Variants in ZFYVE27 observed in about 807,000 individuals in gnomAD.
ZFYVE27 encodes protrudin.
ZFYVE27 carries 36 observed loss-of-function variants against 52.8 expected under a neutral mutation model. The ratio of observed to expected loss-of-function variants is 0.68; its 90% CI spans 0.52 to 0.90. The LOEUF (loss-of-function observed/expected upper bound fraction) is 0.90. Among genes scored for constraint, ZFYVE27 ranks in the 40% least tolerant of loss-of-function variants. The pLI is 0.00. For missense variants in ZFYVE27, 450 were observed against 527.2 expected (o/e 0.85, Z 1.43); for synonymous variants, 223 against 215.6 (o/e 1.03, Z -0.30).
Position 97,742,712 on chromosome 10 carries a change from ATTC to A in ZFYVE27, c.198-379_198-377del, listed in dbSNP as rs1393856912. On this transcript the variant is annotated intron_variant, in intron 2 of 12. Coordinates refer to ENST00000684270, the MANE Select transcript of ZFYVE27 (RefSeq NM_001385875.1). ...GTTGAATCTTGTGCAATGATTATAT[ATTC>A]TTATGAAATTATAAAAAAAGAATAG... Among the ~76,000 whole-genome samples, 7 of 152,334 alleles carry A rather than the reference ATTC, an allele frequency of 4.6e-5. No individual in the cohort carries two copies. The East Asian group carries it at 1.3e-3, about 29-fold the overall frequency.
chr10:97,756,558 C>T (rs945661856), intron 10 of ZFYVE27, among the ~76,000 whole-genome samples: 2 of 152,206 alleles, frequency 1.3e-5, no homozygotes, highest in Non-Finnish European at 2.9e-5. Flanking sequence ...CTCCTCTCCC[C>T]TTACACCCCC....
At chr10:97,741,975 A>G (rs554726004) in intron 2 of ZFYVE27, among the ~76,000 whole-genome samples, 50 of 151,950 alleles carry the variant, frequency 3.3e-4, no homozygotes, top group Admixed American at 1.9e-3. Flanking sequence ...CCTACTGAAA[A>G]CACAAAAACT....
chr10:97,741,808 AG>A (rs1247692464), intron 2 of ZFYVE27, among the ~76,000 whole-genome samples: 1 of 152,246 alleles, frequency 6.6e-6, no homozygotes, highest in Non-Finnish European at 1.5e-5. Flanking sequence ...AACCTCATTC[AG>A]TAACTCTGAA....
At chr10:97,757,606 G>T (rs1334917661) in intron 11 of ZFYVE27, 36 bp from the exon 12 acceptor site, 1 of 1,608,284 alleles carries the variant, frequency 6.2e-7, no homozygotes, top group Non-Finnish European at 8.5e-7. Context: ...GTACCTGAGG[G>T]TGAGGGACAC....
chr10:97,742,494 C>T (rs1023571772), intron 2 of ZFYVE27, among the ~76,000 whole-genome samples: 3 of 152,190 alleles, frequency 2.0e-5, no homozygotes, highest in African/African-American at 7.2e-5. Context: ...GTGAATGCTG[C>T]ACCCTACTTT....
intron 5 of ZFYVE27, among the ~76,000 whole-genome samples, chr10:97,749,016 G>A (rs986310593): frequency 6.6e-6 from 1 of 152,140 alleles, no homozygotes; most frequent in African/African-American, 2.4e-5. Flanking sequence ...TTCACCTGGT[G>A]CCAGGCACTG....
At chr10:97,754,178 G>A (rs2047732555) in intron 10 of ZFYVE27, among the ~76,000 whole-genome samples, 1 of 152,152 alleles carries the variant, frequency 6.6e-6, no homozygotes, top group Admixed American at 6.5e-5. Flanking sequence ...TTATCTTGAG[G>A]AATTTGACTC....
At chr10:97,739,399 C>T (rs1422959863) in intron 2 of ZFYVE27, among the ~76,000 whole-genome samples, 1 of 152,136 alleles carries the variant, frequency 6.6e-6, no homozygotes, top group Non-Finnish European at 1.5e-5. Context: ...GATTATGGAT[C>T]TTAACTTTTT....
chr10:97,757,861 C>G, intron 12 of ZFYVE27, 138 bp downstream of exon 12: 1 of 709,712 alleles, frequency 1.4e-6, no homozygotes, highest in South Asian at 1.7e-5. Context: ...TCCTCCATCC[C>G]CTTTAGCAAA....
At chr10:97,752,745 G>C in intron 8 of ZFYVE27, 112 bp from the exon 9 acceptor site, 1 of 1,232,090 alleles carries the variant, frequency 8.1e-7, no homozygotes, top group African/African-American at 1.5e-5. Flanking sequence ...GCAGAGCTCA[G>C]AGCAGCGCTT....
chr10:97,748,359 C>T lies in ZFYVE27; in HGVS notation c.546C>T (p.Ser182=). 1 of 1,614,032 alleles carries T rather than the reference C, an allele frequency of 6.2e-7. No individual in the cohort carries two copies. Among genetic ancestry groups the T allele is most frequent in the Non-Finnish European group, 8.5e-7 (1 of 1,179,972 alleles). ...RVLHWENPVV[S]SQFYGALLGT... ...TGCACTGGGAGAACCCCGTCGTGTC[C>T]TCACAGTGAGTGACCCCTCCTCTCC... Residue 182 remains serine, a synonymous_variant, in exon 5 of 13, where the codon TCC becomes TCT. Coordinates refer to ENST00000684270, the MANE Select transcript of ZFYVE27 (RefSeq NM_001385875.1).
intron 6 of ZFYVE27, 65 bp from the exon 7 acceptor site, chr10:97,750,266 C>T: frequency 1.9e-6 from 3 of 1,597,264 alleles, no homozygotes; most frequent in Non-Finnish European, 2.6e-6. Context: ...GAAGTGGGTA[C>T]CCCTAAAGTG....
intron 4 of ZFYVE27, among the ~76,000 whole-genome samples, chr10:97,745,876 TGAAATA>T (rs2045189627): frequency 6.6e-6 from 1 of 152,020 alleles, no homozygotes; most frequent in Non-Finnish European, 1.5e-5. Flanking sequence ...TGCATTCTCT[TGAAATA>T]GAATAGGGGC....
intron 6 of ZFYVE27, chr10:97,749,983 G>A (rs747922321): frequency 4.2e-4 from 173 of 416,406 alleles, no homozygotes; most frequent in Non-Finnish European, 7.3e-4. Context: ...GGCTTCTAAA[G>A]CGCTGAGGCA....
At chr10:97,739,476 T>C (rs778083982) in intron 2 of ZFYVE27, among the ~76,000 whole-genome samples, 11 of 152,244 alleles carry the variant, frequency 7.2e-5, no homozygotes, top group Non-Finnish European at 1.5e-4. Flanking sequence ...CATTTTATTA[T>C]GTTAAAATTA....
At chr10:97,751,759 T>C (rs1424333235) in intron 8 of ZFYVE27, among the ~76,000 whole-genome samples, 2 of 152,002 alleles carry the variant, frequency 1.3e-5, no homozygotes, top group Non-Finnish European at 2.9e-5. Context: ...GCCTTTGATA[T>C]AGGAAAGGCA....
At chr10:97,753,594 C>T (rs1250988115) in intron 10 of ZFYVE27, among the ~76,000 whole-genome samples, 1 of 152,144 alleles carries the variant, frequency 6.6e-6, no homozygotes, top group Non-Finnish European at 1.5e-5. Context: ...TTATTTCACA[C>T]CCCGTGCCTC....
chr10:97,752,983 C>T (rs1334699371), intron 9 of ZFYVE27, 55 bp from the exon 10 acceptor site: 41 of 1,612,706 alleles, frequency 2.5e-5, no homozygotes, highest in South Asian at 1.8e-4. Flanking sequence ...CCTCTGCACA[C>T]GGGTCCTGCA....
intron 10 of ZFYVE27, 158 bp from the exon 11 acceptor site, chr10:97,757,104 CCTT>C (rs2048550271): frequency 3.4e-6 from 3 of 876,742 alleles, no homozygotes; most frequent in African/African-American, 1.7e-5. Flanking sequence ...TAGTTTGAGT[CCTT>C]CTTTCTGTCT....
Sources: gnomAD v4.1 joint callset for allele counts (sites outside exome capture counted in the v4.1 genomes callset) on GRCh38, gnomAD v4.1.1 for gene constraint, MANE v1.5 for transcripts, NCBI Gene and HGNC (gene_info 2026-07-23, HGNC 2026-07-21) for gene names.